Variants in RPTOR observed in about 807,000 individuals in gnomAD.
RPTOR encodes regulatory associated protein of MTOR complex 1.
RPTOR carries 21 observed loss-of-function variants against 169.9 expected under a neutral mutation model. The ratio of observed to expected loss-of-function variants is 0.12; its 90% CI spans 0.09 to 0.18. RPTOR has a LOEUF of 0.18. Among genes scored for constraint, RPTOR ranks in the 10% least tolerant of loss-of-function variants. The pLI, the probability that RPTOR is intolerant of heterozygous loss-of-function variation, is 1.00. For missense variants in RPTOR, 1,133 were observed against 1,855.9 expected, an observed-to-expected ratio of 0.61 and a Z score of 7.16; for synonymous variants, 732 against 753.2, an observed-to-expected ratio of 0.97 and a Z score of 0.46.
intron 5 of RPTOR, among the ~76,000 whole-genome samples, chr17:80,743,675 A>T (rs937351055): frequency 7.4e-6 from 1 of 135,606 alleles, no homozygotes; most frequent in South Asian, 2.4e-4. Context: ...TTGAGGGCAC[A>T]GCCCTGGCTA....
intron 7 of RPTOR, among the ~76,000 whole-genome samples, chr17:80,800,983 G>A (rs151221127): frequency 1.3e-4 from 20 of 152,340 alleles, no homozygotes; most frequent in Admixed American, 6.5e-4. Flanking sequence ...CGGCTGCCCC[G>A]TGTGGCCCAG....
chr17:80,861,503 AG>A lies in RPTOR; in HGVS notation c.1509+3605del, dbSNP rs2067916220. Among the ~76,000 whole-genome samples the A allele has an allele frequency of 9.4e-6, 1 of 106,362 alleles. No homozygotes were observed. Among genetic ancestry groups the A allele is most frequent in the Admixed American group, 9.1e-5 (1 of 11,000 alleles). 69.8% of individuals were successfully genotyped at this position (106,362 alleles called of 152,430 possible). A position where few individuals can be genotyped will look rare whatever the true frequency, so the allele number is the denominator to read the frequency against. On this transcript the variant is annotated intron_variant, in intron 13 of 33. Coordinates refer to ENST00000306801, the MANE Select transcript of RPTOR (RefSeq NM_020761.3). This position sits in a 1 kb window ranked among gnomAD's most constrained non-coding sequence, Gnocchi z 4.5. ...ATTATGTAAACAAAGGGTGTTTGGCAGGAAGTCATTTTGAAACGTGGTTTCT... is the reference window on the plus strand; with the variant it reads ...ATTATGTAAACAAAGGGTGTTTGGCAGAAGTCATTTTGAAACGTGGTTTCT...
At chr17:80,924,666 C>T (rs902407965) in intron 23 of RPTOR, among the ~76,000 whole-genome samples, 3 of 152,074 alleles carry the variant, frequency 2.0e-5, no homozygotes, top group Non-Finnish European at 2.9e-5. Context: ...CCCGACCCCC[C>T]GGGGTGGGGG....
chr17:80,655,659 C>T (rs752858953), intron 3 of RPTOR, among the ~76,000 whole-genome samples: 6 of 151,522 alleles, frequency 4.0e-5, no homozygotes, highest in Middle Eastern at 3.4e-3. Context: ...TCATTAACCT[C>T]GAATTCCTGG....
chr17:80,662,248 C>T (rs956579043), intron 3 of RPTOR, among the ~76,000 whole-genome samples: 2 of 152,208 alleles, frequency 1.3e-5, no homozygotes, highest in African/African-American at 4.8e-5. Flanking sequence ...TCACCAGAGG[C>T]TAGTTTTGCC....
intron 12 of RPTOR, 97 bp downstream of exon 12, chr17:80,855,644 A>G (rs1179702137): frequency 2.1e-6 from 2 of 969,142 alleles, no homozygotes; most frequent in Non-Finnish European, 3.3e-6. Flanking sequence ...ATCCAGAGCC[A>G]CCCCCAGCCG....
At chr17:80,939,653 C>T (rs952520932) in intron 24 of RPTOR, among the ~76,000 whole-genome samples, 42 of 152,288 alleles carry the variant, frequency 2.8e-4, no homozygotes, top group Admixed American at 2.7e-3. Flanking sequence ...TCTCGGGGCC[C>T]GGCCTGGCCT....
intron 1 of RPTOR, among the ~76,000 whole-genome samples, chr17:80,561,721 C>T (rs952777068): frequency 2.0e-5 from 3 of 151,636 alleles, no homozygotes; most frequent in South Asian, 2.1e-4. Context: ...CATGAGCCAC[C>T]GCACCCAGCC....
chr17:80,859,107 C>T (rs377048459), intron 13 of RPTOR, among the ~76,000 whole-genome samples: 1 of 152,220 alleles, frequency 6.6e-6, no homozygotes, highest in East Asian at 1.9e-4. Context: ...CCGGCTGGGG[C>T]TCGGGGAGCC....
chr17:80,589,285 C>T (rs1012794281), intron 1 of RPTOR, among the ~76,000 whole-genome samples: 10 of 152,086 alleles, frequency 6.6e-5, no homozygotes, highest in Admixed American at 2.6e-4. Context: ...GGCTGAGACG[C>T]GCCTGGGTCT....
chr17:80,797,986 CCT>C (rs1245439078), intron 7 of RPTOR, among the ~76,000 whole-genome samples: 2 of 152,202 alleles, frequency 1.3e-5, no homozygotes, highest in African/African-American at 4.8e-5. Flanking sequence ...GAATGCGGCC[CCT>C]GTGTTCCAGG....
chr17:80,740,649 A>T (rs373583987), intron 5 of RPTOR, among the ~76,000 whole-genome samples: 7 of 152,360 alleles, frequency 4.6e-5, no homozygotes, highest in African/African-American at 1.7e-4. Flanking sequence ...CTTCATACCA[A>T]CAGACTAAAG....
At position 80,882,508 on chromosome 17, in the gene RPTOR, C is replaced by T. The variant is rs146448084; in HGVS notation, c.1585-911C>T. 6.5e-3 allele frequency among the ~76,000 whole-genome samples: 986 copies of T among 152,318 alleles called. 4 individuals are homozygous for T. The highest frequency in any genetic ancestry group is 0.034 in the Middle Eastern group (10 of 294). On this transcript the variant is annotated intron_variant, in intron 14 of 33. Transcript: ENST00000306801. ...CGGCCGGGGACAGGGGAGCCCTCGG[C>T]GTGCGAGGAAAGCGACCACGGTCGG...
intron 20 of RPTOR, among the ~76,000 whole-genome samples, chr17:80,900,868 C>T (rs897175198): frequency 6.6e-6 from 1 of 152,266 alleles, no homozygotes; most frequent in Admixed American, 6.5e-5. Flanking sequence ...GGCAGTGTGG[C>T]GCTGGGTCAC....
At chr17:80,702,638 G>T (rs1263345247) in intron 3 of RPTOR, among the ~76,000 whole-genome samples, 1 of 152,214 alleles carries the variant, frequency 6.6e-6, no homozygotes, top group African/African-American at 2.4e-5. Flanking sequence ...CGCCTTTCAT[G>T]CTAGTCCATT....
chr17:80,605,786 T>C (rs973668969), intron 1 of RPTOR, among the ~76,000 whole-genome samples: 13 of 152,202 alleles, frequency 8.5e-5, no homozygotes, highest in Non-Finnish European at 1.8e-4. Context: ...TCATGACGAA[T>C]GCCCGTTATG....
chr17:80,618,165 T>G (rs1285085702), intron 1 of RPTOR, among the ~76,000 whole-genome samples: 1 of 151,986 alleles, frequency 6.6e-6, no homozygotes, highest in Non-Finnish European at 1.5e-5. Flanking sequence ...ATTTTTATAT[T>G]TTGTAGAGAC....
intron 24 of RPTOR, among the ~76,000 whole-genome samples, chr17:80,938,505 C>T (rs1484470129): frequency 1.3e-5 from 2 of 152,154 alleles, no homozygotes; most frequent in African/African-American, 4.8e-5. Flanking sequence ...TGTTATTTAC[C>T]ATTTGTCATT....
rs71163978 is a variant in RPTOR at position 80,611,756 on chromosome 17, G to GTT, written c.163-13923_163-13922dup. On this transcript the variant is annotated intron_variant, in intron 1 of 33. Transcript: ENST00000306801. ...TGTTTCAATAACATCTTTTATAGCT[G>GTT]TTTTTTTTTTTTTAAAAAAAACAAA... is the stretch of plus-strand genomic sequence containing the variant. Among the ~76,000 whole-genome samples the GTT allele has an allele frequency of 9.1e-3, 1,204 of 132,244 alleles. 22 individuals are homozygous for GTT. The highest frequency in any genetic ancestry group is 0.034 in the African/African-American group (1,088 of 32,022). 86.8% of individuals were successfully genotyped at this position (132,244 alleles called of 152,430 possible). A position where few individuals can be genotyped will look rare whatever the true frequency, so the allele number is the denominator to read the frequency against.
Sources: gnomAD v4.1 joint callset for allele counts (sites outside exome capture counted in the v4.1 genomes callset) on GRCh38, gnomAD v4.1.1 for gene constraint, Gnocchi (gnomAD v3.1) non-coding constraint, MANE v1.5 for transcripts, NCBI Gene and HGNC (gene_info 2026-07-23, HGNC 2026-07-21) for gene names.